SLC25A21: variants seen among roughly 807,000 people sequenced by gnomAD.
SLC25A21 encodes mitochondrial 2-oxodicarboxylate carrier.
In SLC25A21, 47 loss-of-function variants were observed where a neutral mutation model predicts 43.8. That is an observed-to-expected ratio of 1.07 (90% CI 0.85 to 1.37). The LOEUF (loss-of-function observed/expected upper bound fraction) is 1.37. Ranked by LOEUF, SLC25A21 falls within the 40% of genes most tolerant of loss-of-function variation. The pLI is 0.00. For missense variants in SLC25A21, 352 were observed against 350.2 expected, an observed-to-expected ratio of 1.00 and a Z score of -0.04; for synonymous variants, 131 against 121.3, an observed-to-expected ratio of 1.08 and a Z score of -0.52.
intron 1 of SLC25A21, among the ~76,000 whole-genome samples, chr14:36,940,241 A>C (rs1892523893): frequency 6.6e-6 from 1 of 152,126 alleles, no homozygotes; most frequent in African/African-American, 2.4e-5. Context: ...AAGGAAGAAA[A>C]ATGTGTTTGA....
chr14:37,121,205 A>G lies in SLC25A21; in HGVS notation c.70+51076T>C, dbSNP rs369421626. ...GACACAGCTCATGAAAATTATTGAA[A>G]AGATTAGTCCAGAATTTTCATGCTA... On this transcript the variant is annotated intron_variant, in intron 1 of 9. Transcript: ENST00000331299. Among the ~76,000 whole-genome samples, 15 of 152,320 alleles carry G rather than the reference A, an allele frequency of 9.8e-5. No homozygotes were observed. In the South Asian group the frequency reaches 3.1e-3, roughly 32 times the overall value.
intron 3 of SLC25A21, among the ~76,000 whole-genome samples, chr14:36,761,568 T>C (rs778848351): frequency 1.3e-5 from 2 of 152,360 alleles, no homozygotes; most frequent in Non-Finnish European, 2.9e-5. Context: ...ATTTTGTTGA[T>C]AAAGTAACAA....
chr14:37,026,448 C>G (rs1171986254), intron 1 of SLC25A21, among the ~76,000 whole-genome samples: 1 of 152,100 alleles, frequency 6.6e-6, no homozygotes, highest in African/African-American at 2.4e-5. Context: ...CCAAAAGGAG[C>G]TCCTTGTCGC....
At chr14:36,683,395 G>A (rs922506758) in intron 9 of SLC25A21, among the ~76,000 whole-genome samples, 5 of 152,204 alleles carry the variant, frequency 3.3e-5, no homozygotes, top group African/African-American at 1.2e-4. Context: ...TGTTCATGGA[G>A]GCAAGCTGTC....
At chr14:36,974,638 T>C (rs1959827445) in intron 1 of SLC25A21, among the ~76,000 whole-genome samples, 1 of 152,206 alleles carries the variant, frequency 6.6e-6, no homozygotes, top group Admixed American at 6.6e-5. Flanking sequence ...ATAGAGATTC[T>C]GCACCTTGGG....
chr14:36,821,139 G>A (rs1002585328), intron 2 of SLC25A21, among the ~76,000 whole-genome samples: 3 of 152,076 alleles, frequency 2.0e-5, no homozygotes, highest in African/African-American at 4.8e-5. Context: ...TGTACACACC[G>A]ACCTCACCAA....
chr14:37,012,968 G>A (rs1416766972), intron 1 of SLC25A21, among the ~76,000 whole-genome samples: 1 of 152,214 alleles, frequency 6.6e-6, no homozygotes, highest in Non-Finnish European at 1.5e-5. Flanking sequence ...AATTCGGAGA[G>A]CATGGTATCA....
intron 2 of SLC25A21, among the ~76,000 whole-genome samples, chr14:36,815,712 G>C (rs553508797): frequency 6.6e-6 from 1 of 152,138 alleles, no homozygotes; most frequent in African/African-American, 2.4e-5. Context: ...ATTTGCTCTG[G>C]AGTTTGTTTC....
Position 36,684,730 on chromosome 14 carries a change from ATG to A in SLC25A21, c.785+12_785+13del, listed in dbSNP as rs1474519361. 6.3e-7 allele frequency: 1 copy of A among 1,587,484 alleles called. No homozygotes were observed. The highest frequency in any genetic ancestry group is 1.4e-5 in the African/African-American group (1 of 73,916). ...GCCTCATACATTTATTAAAATAAGAATGTGTTATGTTACCCTTCTTCCTGATA... is the reference window on the plus strand; with the variant it reads ...GCCTCATACATTTATTAAAATAAGAATGTTATGTTACCCTTCTTCCTGATA... On this transcript the variant is annotated intron_variant, in intron 8 of 9. Coordinates refer to ENST00000331299, the MANE Select transcript of SLC25A21 (RefSeq NM_030631.4).
At chr14:36,831,192 A>T (rs1594625074) in intron 2 of SLC25A21, among the ~76,000 whole-genome samples, 1 of 152,242 alleles carries the variant, frequency 6.6e-6, no homozygotes, top group East Asian at 1.9e-4. Context: ...TTATGTGGCA[A>T]GAGCAGCTTA....
intron 3 of SLC25A21, among the ~76,000 whole-genome samples, chr14:36,795,748 TA>T (rs1391011046): frequency 6.6e-6 from 1 of 152,134 alleles, no homozygotes; most frequent in African/African-American, 2.4e-5. Context: ...GGGAGCTGAT[TA>T]TTTGTCAGGC....
At chr14:36,940,824 G>T (rs1244712026) in intron 1 of SLC25A21, among the ~76,000 whole-genome samples, 5 of 152,078 alleles carry the variant, frequency 3.3e-5, no homozygotes, top group African/African-American at 1.2e-4. Context: ...ACAGAATCCA[G>T]TATTCCAACC....
chr14:37,002,990 T>C lies in SLC25A21; in HGVS notation c.71-127986A>G, dbSNP rs372724681. On this transcript the variant is annotated intron_variant, in intron 1 of 9. Transcript: ENST00000331299. Reference sequence around the variant, plus strand: ...AGGGTATACCCAACAGAAACAGTCATGTGTTCACCAAAAGACATTTCTAAG... The same window carrying C: ...AGGGTATACCCAACAGAAACAGTCACGTGTTCACCAAAAGACATTTCTAAG... Among the ~76,000 whole-genome samples the C allele has an allele frequency of 1.4e-4, 21 of 152,208 alleles. No homozygotes were observed. In the East Asian group the frequency reaches 1.5e-3, roughly 11 times the overall value.
rs76451057 is a variant in SLC25A21 at position 37,030,126 on chromosome 14, A to G, written c.70+142155T>C. Among the ~76,000 whole-genome samples the G allele has an allele frequency of 0.016, 2,423 of 152,268 alleles. 178 individuals are homozygous for G. In the East Asian group the frequency reaches 0.25, roughly 16 times the overall value. The stretch of plus-strand genomic sequence containing the variant: ...CATGAACAGTTGACTAACACTTTGT[A>G]TATGTATTATATAAAGAAAAGAAAA... On this transcript the variant is annotated intron_variant, in intron 1 of 9. Transcript: ENST00000331299.
intron 1 of SLC25A21, among the ~76,000 whole-genome samples, chr14:36,975,382 T>A (rs539426953): frequency 1.1e-4 from 17 of 152,072 alleles, no homozygotes; most frequent in Admixed American, 6.6e-4. Context: ...AAAGATAAAA[T>A]AATAATTGTA....
chr14:36,801,978 G>A (rs576947209), intron 3 of SLC25A21, among the ~76,000 whole-genome samples: 2 of 152,082 alleles, frequency 1.3e-5, no homozygotes, highest in Non-Finnish European at 2.9e-5. Flanking sequence ...ATTTGCCAGC[G>A]GCGAAGTGCC....
chr14:36,884,856 A>G (rs1890868342), intron 1 of SLC25A21, among the ~76,000 whole-genome samples: 1 of 151,968 alleles, frequency 6.6e-6, no homozygotes, highest in Admixed American at 6.6e-5. Flanking sequence ...AGTTCCTTAT[A>G]TATTTTGAAT....
At chr14:36,878,776 C>T (rs977434239) in intron 1 of SLC25A21, among the ~76,000 whole-genome samples, 2 of 152,020 alleles carry the variant, frequency 1.3e-5, no homozygotes, top group South Asian at 2.1e-4. Flanking sequence ...ATCCTAATTG[C>T]GATTTTAAGA....
At chr14:36,730,881 C>A (rs1884791397) in intron 4 of SLC25A21, among the ~76,000 whole-genome samples, 1 of 152,084 alleles carries the variant, frequency 6.6e-6, no homozygotes, top group Non-Finnish European at 1.5e-5. Context: ...AAATAGTACT[C>A]AACGGCAAAC....
Sources: gnomAD v4.1 joint callset for allele counts (sites outside exome capture counted in the v4.1 genomes callset) on GRCh38, gnomAD v4.1.1 for gene constraint, MANE v1.5 for transcripts, NCBI Gene and HGNC (gene_info 2026-07-23, HGNC 2026-07-21) for gene names.